Variants in RAD51B observed in about 807,000 individuals in gnomAD.
The protein encoded by RAD51B is RAD51 paralog B, also known as DNA repair protein RAD51 homolog 2.
A neutral mutation model predicts 42.2 loss-of-function variants in RAD51B; 38 were observed. The ratio of observed to expected loss-of-function variants is 0.90; its 90% CI spans 0.70 to 1.18. RAD51B has a LOEUF of 1.18. RAD51B is among the 50% of genes most tolerant of loss of function. RAD51B has a pLI of 0.00. For synonymous variants in RAD51B, 154 were observed against 145.2 expected (o/e 1.06, Z -0.43); for missense variants, 373 against 400.7 (o/e 0.93, Z 0.59).
intron 9 of RAD51B, among the ~76,000 whole-genome samples, chr14:68,430,035 T>A (rs1025923329): frequency 1.8e-4 from 28 of 152,226 alleles, no homozygotes; most frequent in Non-Finnish European, 1.9e-4. Flanking sequence ...TTTTGTCAGG[T>A]TTGTCAAAGA....
chr14:67,862,518 G>A (rs1004737959), intron 4 of RAD51B, among the ~76,000 whole-genome samples: 2 of 152,056 alleles, frequency 1.3e-5, no homozygotes, highest in African/African-American at 4.8e-5. Flanking sequence ...CAATTGACGT[G>A]AAGGAAGATC....
intron 3 of RAD51B, among the ~76,000 whole-genome samples, chr14:67,827,720 A>G (rs1036065549): frequency 2.0e-5 from 3 of 152,134 alleles, no homozygotes; most frequent in East Asian, 3.9e-4. Context: ...GCTCCCACTT[A>G]TAAGTGAGAA....
intron 5 of RAD51B, among the ~76,000 whole-genome samples, chr14:67,867,887 G>A (rs2139998301): frequency 6.6e-6 from 1 of 152,312 alleles, no homozygotes; most frequent in South Asian, 2.1e-4. Context: ...CAGCACAAAT[G>A]AGAAAGTGTT....
chr14:68,647,987 G>A (rs1427191772), intron 10 of RAD51B, among the ~76,000 whole-genome samples: 1 of 129,684 alleles, frequency 7.7e-6, no homozygotes, highest in Non-Finnish European at 1.6e-5. Flanking sequence ...ACTCTGATTA[G>A]TTTTTTAAAA....
intron 10 of RAD51B, among the ~76,000 whole-genome samples, chr14:68,575,601 G>A (rs1056233362): frequency 1.3e-5 from 2 of 152,022 alleles, no homozygotes; most frequent in Admixed American, 6.6e-5. Flanking sequence ...CCTCCCCAAC[G>A]CCACACACCC....
intron 7 of RAD51B, among the ~76,000 whole-genome samples, chr14:68,213,939 C>T (rs2079761829): frequency 1.3e-5 from 2 of 152,198 alleles, no homozygotes; most frequent in African/African-American, 2.4e-5. Flanking sequence ...AATCACTTCT[C>T]ATTCCCTGTT....
intron 8 of RAD51B, among the ~76,000 whole-genome samples, chr14:68,345,715 G>A (rs1466314415): frequency 2.0e-5 from 3 of 151,848 alleles, no homozygotes; most frequent in African/African-American, 4.8e-5. Flanking sequence ...GGAGTGCCTG[G>A]AGGCATGATC....
intron 10 of RAD51B, among the ~76,000 whole-genome samples, chr14:68,509,154 G>A (rs1000816064): frequency 6.6e-6 from 1 of 152,270 alleles, no homozygotes; most frequent in Admixed American, 6.5e-5. Flanking sequence ...TTCAAGGGGT[G>A]AGTGTAGTCT....
intron 7 of RAD51B, among the ~76,000 whole-genome samples, chr14:68,009,739 T>C (rs575118251): frequency 7.2e-5 from 11 of 152,020 alleles, no homozygotes; most frequent in African/African-American, 2.6e-4. Flanking sequence ...GTTTTCTCTA[T>C]TTTTTCCTGC....
chr14:68,021,261 G>T (rs2075859943), intron 7 of RAD51B, among the ~76,000 whole-genome samples: 1 of 152,192 alleles, frequency 6.6e-6, no homozygotes, highest in African/African-American at 2.4e-5. Context: ...GATAAAGGGA[G>T]AACATTGCCT....
At chr14:68,023,998 T>C (rs1233437708) in intron 7 of RAD51B, among the ~76,000 whole-genome samples, 2 of 152,196 alleles carry the variant, frequency 1.3e-5, no homozygotes, top group Non-Finnish European at 2.9e-5. Context: ...CTTAAATATT[T>C]AATCTACCCT....
chr14:67,924,207 T>G (rs186317126), intron 7 of RAD51B, among the ~76,000 whole-genome samples: 2 of 152,366 alleles, frequency 1.3e-5, no homozygotes, highest in African/African-American at 4.8e-5. Context: ...TTATTTCTTT[T>G]GCTGTGCAGA....
intron 10 of RAD51B, among the ~76,000 whole-genome samples, chr14:68,547,306 C>T (rs1398008202): frequency 6.6e-6 from 1 of 152,234 alleles, no homozygotes; most frequent in Admixed American, 6.5e-5. Context: ...TGCTACATTC[C>T]ATCTGTTTCT....
downstream of RAD51B, among the ~76,000 whole-genome samples, chr14:68,612,865 G>A (rs72729554): frequency 2.0e-5 from 3 of 151,792 alleles, no homozygotes; most frequent in Non-Finnish European, 4.4e-5. Flanking sequence ...AAGGGAGGAA[G>A]GGGGAGGGAG....
At chr14:68,267,133 A>G (rs1382759269) in intron 7 of RAD51B, among the ~76,000 whole-genome samples, 1 of 152,210 alleles carries the variant, frequency 6.6e-6, no homozygotes, top group Non-Finnish European at 1.5e-5. Flanking sequence ...ATAGGTAAAA[A>G]GCAACTCGAA....
In RAD51B at chr14:68,081,565, A is replaced by T. The variant is rs1029251146; in HGVS notation, c.756+194361A>T. ...ACTTCCTAATTTATTTATAATAAGC[A>T]TGTTGAATTATGAAGGAGAATGTTA... On this transcript the variant is annotated intron_variant, in intron 7 of 10. Coordinates refer to ENST00000471583, the MANE Select transcript of RAD51B (RefSeq NM_133510.4). Among the ~76,000 whole-genome samples the T allele has an allele frequency of 2.0e-5, 3 of 152,384 alleles. No homozygotes were observed. The South Asian group carries it at 6.2e-4, about 32-fold the overall frequency.
At chr14:68,251,853 T>G (rs1420999745) in intron 7 of RAD51B, among the ~76,000 whole-genome samples, 2 of 152,224 alleles carry the variant, frequency 1.3e-5, no homozygotes, top group Non-Finnish European at 2.9e-5. Context: ...TTTTGTAATG[T>G]TACAGGAAAA....
At chr14:68,121,298 C>T (rs1305438530) in intron 7 of RAD51B, among the ~76,000 whole-genome samples, 1 of 152,152 alleles carries the variant, frequency 6.6e-6, no homozygotes, top group East Asian at 1.9e-4. Context: ...ACCTGAAAGC[C>T]AGAGCATTTA....
rs148600464 is a variant in RAD51B, at chr14:68,132,001, A to AGAG, written c.757-159882_757-159880dup. Among the ~76,000 whole-genome samples the AGAG allele has an allele frequency of 4.0e-3, 609 of 152,364 alleles. 18 individuals carry two copies. In the East Asian group the frequency reaches 0.085, roughly 21 times the overall value. On this transcript the variant is annotated intron_variant, in intron 7 of 10. Coordinates refer to ENST00000471583, the MANE Select transcript of RAD51B (RefSeq NM_133510.4). ...GATATTAAAGAGTTTACAGAGTCAA[A>AGAG]GAGAAGAAGGAAGAATCAGGCTCAG...
Sources: gnomAD v4.1 joint callset for allele counts (sites outside exome capture counted in the v4.1 genomes callset) on GRCh38, gnomAD v4.1.1 for gene constraint, MANE v1.5 for transcripts, NCBI Gene and HGNC (gene_info 2026-07-23, HGNC 2026-07-21) for gene names.